TSPAN13: variants seen among roughly 807,000 people sequenced by gnomAD.
TSPAN13 encodes tetraspanin 13.
A neutral mutation model predicts 26.9 loss-of-function variants in TSPAN13; 18 were observed. That is an observed-to-expected ratio of 0.67 (90% CI 0.46 to 0.99). The LOEUF is 0.99. Among genes scored for constraint, TSPAN13 ranks in the 50% least tolerant of loss-of-function variants. TSPAN13 has a pLI of 0.00. For synonymous variants in TSPAN13, 116 were observed against 98.4 expected (o/e 1.18, Z -1.06); for missense variants, 201 against 249.6 (o/e 0.81, Z 1.31).
chr7:16,781,557 G>A (rs535907044), intron 5 of TSPAN13, among the ~76,000 whole-genome samples: 15 of 152,220 alleles, frequency 9.9e-5, no homozygotes, highest in African/African-American at 3.4e-4. Context: ...CTGAACAGTC[G>A]GGCAAGGAAG....
At chr7:16,757,057 A>G (rs1010563371) in intron 1 of TSPAN13, among the ~76,000 whole-genome samples, 1 of 152,224 alleles carries the variant, frequency 6.6e-6, no homozygotes, top group Non-Finnish European at 1.5e-5. Context: ...ATAAAGGCAA[A>G]TGCATTGTGA....
intron 1 of TSPAN13, among the ~76,000 whole-genome samples, chr7:16,756,411 C>T (rs143894451): frequency 2.0e-5 from 3 of 152,296 alleles, no homozygotes; most frequent in Non-Finnish European, 4.4e-5. Context: ...CATATGGGAA[C>T]GGCAGATGCC....
At chr7:16,770,209 AT>A (rs1207177676) in intron 1 of TSPAN13, among the ~76,000 whole-genome samples, 1 of 147,838 alleles carries the variant, frequency 6.8e-6, no homozygotes, top group African/African-American at 2.5e-5. Flanking sequence ...TTATTTTATT[AT>A]TATTATTATT....
chr7:16,765,099 A>G (rs990859047), intron 1 of TSPAN13, among the ~76,000 whole-genome samples: 1 of 151,510 alleles, frequency 6.6e-6, no homozygotes, highest in Non-Finnish European at 1.5e-5. Flanking sequence ...AGCCCTGGCT[A>G]AGAATTTCTT....
At chr7:16,767,894 C>A (rs1784625033) in intron 1 of TSPAN13, among the ~76,000 whole-genome samples, 1 of 151,924 alleles carries the variant, frequency 6.6e-6, no homozygotes, top group Non-Finnish European at 1.5e-5. Context: ...CATTTGTATT[C>A]ATTTTTATTT....
At chr7:16,780,101 T>A (rs1420679468) in intron 5 of TSPAN13, among the ~76,000 whole-genome samples, 2 of 149,968 alleles carry the variant, frequency 1.3e-5, no homozygotes, top group Admixed American at 1.3e-4. Flanking sequence ...TATTTATTTA[T>A]TTTATTTATT....
At position 16,783,504 on chromosome 7, in the gene TSPAN13, G is replaced by C; in HGVS notation, c.*13G>C. On this transcript the variant is annotated 3_prime_UTR_variant, in exon 6 of 6. Coordinates refer to ENST00000262067, the MANE Select transcript of TSPAN13 (RefSeq NM_014399.4). ...TGCATTCCTTTGATGAGAAAACAAG[G>C]AAGATTTCCTTTCGTATTATGATCT... 1 of 1,610,268 alleles carries C rather than the reference G, an allele frequency of 6.2e-7. No individual in the cohort carries two copies. Among genetic ancestry groups the C allele is most frequent in the Non-Finnish European group, 8.5e-7 (1 of 1,176,744 alleles).
intron 1 of TSPAN13, among the ~76,000 whole-genome samples, chr7:16,767,828 G>T (rs1324261245): frequency 6.6e-6 from 1 of 152,068 alleles, no homozygotes; most frequent in Non-Finnish European, 1.5e-5. Context: ...TTCTTCTTCA[G>T]TGAATTGACT....
chr7:16,778,964 T>A (rs776062564), intron 4 of TSPAN13, 39 bp from the exon 5 acceptor site: 1 of 1,451,542 alleles, frequency 6.9e-7, no homozygotes, highest in Non-Finnish European at 9.5e-7. Flanking sequence ...TTTATAAATG[T>A]ATTTTGAAAT....
chr7:16,770,211 T>C (rs1406524913), intron 1 of TSPAN13, among the ~76,000 whole-genome samples: 2 of 151,494 alleles, frequency 1.3e-5, no homozygotes, highest in East Asian at 3.8e-4. Context: ...ATTTTATTAT[T>C]ATTATTATTT....
chr7:16,763,862 A>T (rs1315491122), intron 1 of TSPAN13, among the ~76,000 whole-genome samples: 3 of 152,176 alleles, frequency 2.0e-5, no homozygotes, highest in Admixed American at 6.5e-5. Context: ...GGTCATTCTT[A>T]TTCTGGGCAG....
chr7:16,761,333 T>C (rs2115323182), intron 1 of TSPAN13, among the ~76,000 whole-genome samples: 1 of 152,290 alleles, frequency 6.6e-6, no homozygotes. Context: ...TTTAGCAAAA[T>C]GTAGATTATT....
intron 1 of TSPAN13, among the ~76,000 whole-genome samples, chr7:16,772,730 T>A (rs1784694614): frequency 6.6e-6 from 1 of 152,170 alleles, no homozygotes; most frequent in Non-Finnish European, 1.5e-5. Flanking sequence ...GCGCGGTGGC[T>A]CATGCCTGTA....
Position 16,783,579 on chromosome 7 carries a change from A to G in TSPAN13, c.*88A>G, listed in dbSNP as rs1784838871. 18 of 1,193,820 alleles carry G rather than the reference A, an allele frequency of 1.5e-5. No individual in the cohort carries two copies. In the South Asian group the frequency reaches 2.3e-4, roughly 15 times the overall value. The allele number at this position is 1,193,820 out of a possible 1,614,324, so 74.0% of individuals were successfully genotyped here. ...TAAGCTCCATTTGCCAGTTTAAGGA[A>G]GGAAACACTATCTGGAAAAGTACCT... On this transcript the variant is annotated 3_prime_UTR_variant, in exon 6 of 6. Transcript: ENST00000262067.
chr7:16,763,198 A>G (rs1034419026), intron 1 of TSPAN13, among the ~76,000 whole-genome samples: 1 of 152,164 alleles, frequency 6.6e-6, no homozygotes, highest in African/African-American at 2.4e-5. Context: ...AGCTTTAGGG[A>G]CGTCTTTTCA....
intron 1 of TSPAN13, among the ~76,000 whole-genome samples, chr7:16,773,717 A>G (rs1784708547): frequency 6.6e-6 from 1 of 152,232 alleles, no homozygotes; most frequent in African/African-American, 2.4e-5. Context: ...TATAGTAAGG[A>G]TGTAGTATAA....
chr7:16,763,653 C>T (rs138786558), intron 1 of TSPAN13, among the ~76,000 whole-genome samples: 29 of 152,262 alleles, frequency 1.9e-4, no homozygotes, highest in Middle Eastern at 3.4e-3. Flanking sequence ...ATCGATCTTG[C>T]AGGACACGCT....
At chr7:16,768,437 C>G (rs1413233423) in intron 1 of TSPAN13, among the ~76,000 whole-genome samples, 2 of 152,204 alleles carry the variant, frequency 1.3e-5, no homozygotes, top group African/African-American at 4.8e-5. Flanking sequence ...CTTAACATCT[C>G]ACTCTGTGCA....
At chr7:16,760,799 C>T (rs551503417) in intron 1 of TSPAN13, among the ~76,000 whole-genome samples, 1 of 152,048 alleles carries the variant, frequency 6.6e-6, no homozygotes, top group African/African-American at 2.4e-5. Flanking sequence ...GAGATGGGGA[C>T]CGAGAGTTGG....
Sources: allele counts gnomAD v4.1 joint callset (sites outside exome capture counted in the v4.1 genomes callset), GRCh38; gene constraint gnomAD v4.1.1; transcripts MANE v1.5; gene names NCBI Gene and HGNC (gene_info 2026-07-23, HGNC 2026-07-21).